The following USP12 variants were observed in gnomAD, a reference collection of about 807,000 sequenced individuals.
USP12 encodes ubiquitin specific peptidase 12, also known as ubiquitin carboxyl-terminal hydrolase 12.
A neutral mutation model predicts 45.5 loss-of-function variants in USP12; 19 were observed. That is an observed-to-expected ratio of 0.42 (90% CI 0.29 to 0.61). The LOEUF is 0.61. Among genes scored for constraint, USP12 ranks in the 20% least tolerant of loss-of-function variants. The pLI is 0.22. For missense variants in USP12, 242 were observed against 447.7 expected (o/e 0.54, Z 4.15); for synonymous variants, 149 against 148.8 (o/e 1.00, Z -0.01).
chr13:27,152,392 T>C (rs1877609930), intron 1 of USP12, among the ~76,000 whole-genome samples: 1 of 152,136 alleles, frequency 6.6e-6, no homozygotes, highest in African/African-American at 2.4e-5. Flanking sequence ...ATATACTCTA[T>C]GATTCCACAT....
At chr13:27,079,575 A>G (rs941248461) in intron 6 of USP12, among the ~76,000 whole-genome samples, 2 of 152,202 alleles carry the variant, frequency 1.3e-5, no homozygotes, top group African/African-American at 2.4e-5. Flanking sequence ...ACCCAGCCGC[A>G]GGCAAGCAAC....
chr13:27,097,952 A>C (rs1266605694), intron 3 of USP12, among the ~76,000 whole-genome samples: 1 of 149,584 alleles, frequency 6.7e-6, no homozygotes, highest in Non-Finnish European at 1.5e-5. Context: ...TTTCATATAC[A>C]CCTTATAGCC....
chr13:27,170,635 T>G (rs1266596695), intron 1 of USP12, among the ~76,000 whole-genome samples: 1 of 152,214 alleles, frequency 6.6e-6, no homozygotes, highest in African/African-American at 2.4e-5. Context: ...ACGTTTTGCT[T>G]AATTCGGGAC....
rs763600801 is a variant in USP12 at position 27,089,980 on chromosome 13, A to C, written c.651-14T>G. 7 of 1,602,250 alleles carry C rather than the reference A, an allele frequency of 4.4e-6. No homozygotes were observed. The highest frequency in any genetic ancestry group is 5.1e-6 in the Non-Finnish European group (6 of 1,172,854). ...TTGCTGAAACCCCTGTGTGAAATTC[A>C]AAACAAATTTATTTTGTAGATACCA... On this transcript the variant is annotated splice_polypyrimidine_tract_variant and intron_variant, in intron 5 of 8. Coordinates refer to ENST00000282344, the MANE Select transcript of USP12 (RefSeq NM_182488.4).
At position 27,171,610 on chromosome 13, in the gene USP12, G is replaced by C; in HGVS notation, c.30C>G (p.Phe10Leu). MEILMTVSK[F>L]ASICTMGANA... ...CACCTACCATGGTACAGATGGAGGC[G>C]AATTTGGAGACTGTCATTAGGATTT... is the stretch of plus-strand genomic sequence containing the variant. Residue 10 changes from phenylalanine to leucine, a missense_variant, in exon 1 of 9, where the codon TTC (phenylalanine) becomes TTG (leucine). Phe to Leu is a conservative substitution (Grantham distance 22, BLOSUM62 0). Around this residue, in one of 5 missense-constraint regions of USP12, gnomAD observed 19 missense variants for 16.1 expected, o/e 1.18. Coordinates refer to ENST00000282344, the MANE Select transcript of USP12 (RefSeq NM_182488.4). 7.8e-7 allele frequency: 1 copy of C among 1,283,058 alleles called. No homozygotes were observed. Among genetic ancestry groups the C allele is most frequent in the African/African-American group, 1.6e-5 (1 of 62,846 alleles). 79.5% of individuals were successfully genotyped at this position (1,283,058 alleles called of 1,614,324 possible).
Position 27,066,410 on chromosome 13 carries a change from C to T in USP12, c.*2873G>A, listed in dbSNP as rs1872993529. On this transcript the variant is annotated 3_prime_UTR_variant, in exon 9 of 9. Transcript: ENST00000282344. ...CCTCCCAGCTCCCAGCCAAATACCT[C>T]ATGATAGAATCTTTAATAAAAAGTG... 1 of 152,112 alleles carries T rather than the reference C, an allele frequency of 6.6e-6. No homozygotes were observed. The highest frequency in any genetic ancestry group is 6.5e-5 in the Admixed American group (1 of 15,268). 9.4% of individuals were successfully genotyped at this position (152,112 alleles called of 1,614,324 possible).
intron 2 of USP12, among the ~76,000 whole-genome samples, chr13:27,116,311 C>CAAAAAAAAA (rs10549775): frequency 1.1e-5 from 1 of 90,946 alleles, no homozygotes; most frequent in Non-Finnish European, 2.2e-5. Context: ...GACGCTGTCT[C>CAAAAAAAAA]AAAAAAAAAA....
At position 27,111,709 on chromosome 13, in the gene USP12, A is replaced by C. The variant is rs560956211; in HGVS notation, c.129+4807T>G. Among the ~76,000 whole-genome samples the C allele has an allele frequency of 1.6e-4, 25 of 152,326 alleles. No homozygotes were observed. In the South Asian group the frequency reaches 5.2e-3, roughly 32 times the overall value. On this transcript the variant is annotated intron_variant, in intron 2 of 8. Transcript: ENST00000282344. ...ATTATACATACTATGTATATTAAAA[A>C]TGTAAAGGAATGCAATTAAGAAAAT...
intron 6 of USP12, among the ~76,000 whole-genome samples, chr13:27,087,143 GTGTT>G (rs1295845600): frequency 1.3e-5 from 2 of 151,856 alleles, no homozygotes; most frequent in Non-Finnish European, 2.9e-5. Flanking sequence ...GAGTGTGTGT[GTGTT>G]TATGCATGTG....
At chr13:27,140,960 GA>G (rs201186004) in intron 1 of USP12, among the ~76,000 whole-genome samples, 5 of 97,696 alleles carry the variant, frequency 5.1e-5, no homozygotes, top group East Asian at 2.8e-4. Flanking sequence ...AAGATTCGAA[GA>G]AAAAAAAAAC....
intron 6 of USP12, among the ~76,000 whole-genome samples, chr13:27,084,526 T>C (rs968430330): frequency 1.3e-5 from 2 of 151,250 alleles, no homozygotes; most frequent in Admixed American, 6.6e-5. Context: ...AAGAGTTCTA[T>C]AGTTTTAGGT....
intron 1 of USP12, among the ~76,000 whole-genome samples, chr13:27,121,987 G>A (rs1381051008): frequency 6.6e-6 from 1 of 152,016 alleles, no homozygotes; most frequent in African/African-American, 2.4e-5. Flanking sequence ...CTTTTAAAAA[G>A]AACTAAATAC....
intron 1 of USP12, among the ~76,000 whole-genome samples, chr13:27,124,672 G>A (rs554645088): frequency 6.6e-6 from 1 of 152,292 alleles, no homozygotes; most frequent in East Asian, 1.9e-4. Flanking sequence ...AATAAGAAAA[G>A]TTCTGGAGGC....
chr13:27,120,544 T>C (rs1279248555), intron 1 of USP12, among the ~76,000 whole-genome samples: 12 of 151,464 alleles, frequency 7.9e-5, no homozygotes, highest in Non-Finnish European at 1.5e-5. Context: ...ATTCCAGCTA[T>C]TCAGGAGGCT....
At chr13:27,131,111 T>C (rs1031405964) in intron 1 of USP12, among the ~76,000 whole-genome samples, 2 of 152,386 alleles carry the variant, frequency 1.3e-5, no homozygotes, top group South Asian at 4.1e-4. Flanking sequence ...GATTTACATA[T>C]GTTAAACACA....
At chr13:27,159,057 C>T (rs1421273550) in intron 1 of USP12, among the ~76,000 whole-genome samples, 2 of 152,106 alleles carry the variant, frequency 1.3e-5, no homozygotes, top group Non-Finnish European at 2.9e-5. Flanking sequence ...AAGGGCGGCC[C>T]CTCTTCCTTG....
chr13:27,150,531 G>A (rs1877520844), intron 1 of USP12, among the ~76,000 whole-genome samples: 1 of 152,144 alleles, frequency 6.6e-6, no homozygotes, highest in Admixed American at 6.5e-5. Context: ...CTGATCTACA[G>A]GCTCCATGAG....
intron 1 of USP12, among the ~76,000 whole-genome samples, chr13:27,124,556 T>C (rs1341371392): frequency 6.6e-6 from 1 of 152,222 alleles, no homozygotes; most frequent in Non-Finnish European, 1.5e-5. Flanking sequence ...TATTTTAGAA[T>C]GCAGCATGTA....
At chr13:27,131,783 C>T (rs973285157) in intron 1 of USP12, among the ~76,000 whole-genome samples, 4 of 152,194 alleles carry the variant, frequency 2.6e-5, no homozygotes, top group Non-Finnish European at 5.9e-5. Context: ...ATTCACCACT[C>T]CCTCTCTTAA....
Sources: allele counts gnomAD v4.1 joint callset (sites outside exome capture counted in the v4.1 genomes callset), GRCh38; gene constraint gnomAD v4.1.1; regional missense constraint gnomAD v4.1.1; transcripts MANE v1.5; gene names NCBI Gene and HGNC (gene_info 2026-07-23, HGNC 2026-07-21).